WDR62: variants seen among roughly 807,000 people sequenced by gnomAD.
The protein encoded by WDR62 is WD repeat domain 62.
A neutral mutation model predicts 160.6 loss-of-function variants in WDR62; 112 were observed. That is an observed-to-expected ratio of 0.70 (90% confidence interval 0.60 to 0.82). The LOEUF is 0.82. Ranked by LOEUF, WDR62 falls within the 40% of genes least tolerant of loss-of-function variation. WDR62 has a pLI of 0.00. For synonymous variants in WDR62, 792 were observed against 815.1 expected (o/e 0.97, Z 0.48); for missense variants, 1,819 against 1,983.8 (o/e 0.92, Z 1.58).
chr19:36,102,578 CCTG>C lies in WDR62; in HGVS notation c.3221-158_3221-156del, dbSNP rs1478655390. 4.5e-6 allele frequency: 3 copies of C among 666,484 alleles called. No individual in the cohort carries two copies. The African/African-American group carries it at 5.4e-5, about 12-fold the overall frequency. 41.3% of individuals were successfully genotyped at this position (666,484 alleles called of 1,614,324 possible). A position where few individuals can be genotyped will look rare whatever the true frequency, so the allele number is the denominator to read the frequency against. ...GCCCGGCCCACTGCTTCACTCTTGA[CCTG>C]AGCCTCACGATGCCTCCTCACCCAC... On this transcript the variant is annotated intron_variant, in intron 26 of 31. Coordinates refer to ENST00000401500, the MANE Select transcript of WDR62 (RefSeq NM_001083961.2).
chr19:36,061,259 T>C (rs1970630401), intron 3 of WDR62: 1 of 152,146 alleles, frequency 6.6e-6, no homozygotes, highest in South Asian at 2.1e-4. Flanking sequence ...CAGAGCTGGG[T>C]TCCATTCCTG....
downstream of WDR62, among the ~76,000 whole-genome samples, chr19:36,106,687 C>T (rs563838465): frequency 7.0e-4 from 106 of 152,292 alleles, no homozygotes; most frequent in Middle Eastern, 0.017. Flanking sequence ...GAGCGAAGCC[C>T]GGACGGCTGG....
At chr19:36,106,610 C>G (rs1455019819), downstream of WDR62, among the ~76,000 whole-genome samples, 1 of 152,168 alleles carries the variant, frequency 6.6e-6, no homozygotes, top group Non-Finnish European at 1.5e-5. Context: ...AGGAACACAT[C>G]CAGGCCGACA....
downstream of WDR62, among the ~76,000 whole-genome samples, chr19:36,109,719 G>A (rs568605861): frequency 5.4e-5 from 8 of 146,958 alleles, no homozygotes; most frequent in East Asian, 1.6e-3. Context: ...GGGCAACAGA[G>A]TGAGAATCTG....
At chr19:36,075,636 G>A (rs988154221) in intron 9 of WDR62, among the ~76,000 whole-genome samples, 6 of 151,836 alleles carry the variant, frequency 4.0e-5, no homozygotes, top group African/African-American at 1.5e-4. Flanking sequence ...AGTAGAGATG[G>A]GGTTTAACCA....
chr19:36,081,673 T>A (rs1326382810), intron 10 of WDR62, 103 bp downstream of exon 10: 3 of 1,522,902 alleles, frequency 2.0e-6, no homozygotes, highest in Non-Finnish European at 2.7e-6. Flanking sequence ...AGATGTTAGG[T>A]TCCATGAGGG....
chr19:36,065,954 C>G lies in WDR62; in HGVS notation c.333-4C>G, dbSNP rs753533171. ...CAGTGATCAGCTCTTTTCTTTATCC[C>G]CAGGAAGTCTCTCAGTGCTCTGGCC... On this transcript the variant is annotated splice_region_variant and splice_polypyrimidine_tract_variant and intron_variant, in intron 3 of 31. Transcript: ENST00000401500. The G allele has an allele frequency of 6.2e-7, 1 of 1,614,164 alleles. No homozygotes were observed. Among genetic ancestry groups the G allele is most frequent in the East Asian group, 2.2e-5 (1 of 44,884 alleles).
chr19:36,105,516 T>C (rs1568376002), downstream of WDR62, among the ~76,000 whole-genome samples: 1 of 150,066 alleles, frequency 6.7e-6, no homozygotes, highest in Non-Finnish European at 1.5e-5. Flanking sequence ...GGTGGTGGTG[T>C]CCCCATCTGC....
chr19:36,086,624 CT>C, intron 12 of WDR62, 62 bp from the exon 13 acceptor site: 1 of 1,554,002 alleles, frequency 6.4e-7, no homozygotes, highest in Non-Finnish European at 8.7e-7. Flanking sequence ...TCACACTGCC[CT>C]TCTGGGAGGC....
At position 36,103,986 on chromosome 19, in the gene WDR62, G is replaced by GT. The variant is rs1973577166; in HGVS notation, c.4153+6dup. On this transcript the variant is annotated splice_donor_region_variant and intron_variant, in intron 30 of 31. Coordinates refer to ENST00000401500, the MANE Select transcript of WDR62 (RefSeq NM_001083961.2). ...CCCTCCTGGAGCCCACCTCCGGTGA[G>GT]TACAGCCCTGGAGCAAGGACTGTCC... is the stretch of plus-strand genomic sequence containing the variant. 2 of 1,597,506 alleles carry GT rather than the reference G, an allele frequency of 1.3e-6. No homozygotes were observed.
Position 36,103,177 on chromosome 19 carries a change from G to A in WDR62, c.3484G>A (p.Glu1162Lys). ...GCAGGTCCTCGCTGCAGGGAAGGCT[G>A]AAGAGACCCTGGAGGCCTGGCGCCC... ...RTHVLAAGKA[E>K]ETLEAWRPPP... Residue 1162 changes from glutamate (E) to lysine (K), a missense_variant, in exon 29 of 32, where the codon GAA becomes AAA. Around this residue, in one of 3 missense-constraint regions of WDR62, gnomAD observed 770 missense variants for 734.2 expected, o/e 1.05. Coordinates refer to ENST00000401500, the MANE Select transcript of WDR62 (RefSeq NM_001083961.2). 2 of 1,614,042 alleles carry A rather than the reference G, an allele frequency of 1.2e-6. No individual in the cohort carries two copies. Among genetic ancestry groups the A allele is most frequent in the Non-Finnish European group, 1.7e-6 (2 of 1,180,012 alleles).
intron 3 of WDR62, among the ~76,000 whole-genome samples, chr19:36,063,324 G>T (rs190957500): frequency 1.3e-5 from 2 of 151,626 alleles, no homozygotes; most frequent in Admixed American, 6.6e-5. Context: ...ATCTTGGCTC[G>T]CTGCAGCCTC....
intron 21 of WDR62, among the ~76,000 whole-genome samples, chr19:36,097,342 CAATATCCCCATTA>C (rs1973034771): frequency 6.6e-6 from 1 of 152,216 alleles, no homozygotes; most frequent in South Asian, 2.1e-4. Context: ...GGGCGAGGAA[CAATATCCCCATTA>C]AATAAGTAAA....
chr19:36,093,434 G>C (rs1390300355), intron 19 of WDR62, among the ~76,000 whole-genome samples: 1 of 152,210 alleles, frequency 6.6e-6, no homozygotes, highest in Admixed American at 6.5e-5. Flanking sequence ...TTTTTGATTT[G>C]AGGTTTTGGT....
rs1371821296 is a variant in WDR62 at position 36,097,052 on chromosome 19, C to T, written c.2493C>T (p.Gly831=). ...DPDPRCLLTN[G]KLPLWAKRLL... The stretch of plus-strand genomic sequence containing the variant: ...ATCCTCGTTGCCTGCTAACCAACGG[C>T]AAGCTGCCACTGTGGGCAAAGCGGC... Residue 831 remains glycine (G), a synonymous_variant, in exon 21 of 32, where the codon GGC becomes GGT. Coordinates refer to ENST00000401500, the MANE Select transcript of WDR62 (RefSeq NM_001083961.2). 6.2e-7 allele frequency: 1 copy of T among 1,613,642 alleles called. No homozygotes were observed. Among genetic ancestry groups the T allele is most frequent in the Non-Finnish European group, 8.5e-7 (1 of 1,179,830 alleles).
In WDR62 at chr19:36,065,885, CAG is replaced by C. The variant is rs1241738229; in HGVS notation, c.333-70_333-69del. 9.6e-6 allele frequency: 14 copies of C among 1,458,480 alleles called. No homozygotes were observed. The African/African-American group carries it at 2.0e-4, about 20-fold the overall frequency. 90.3% of individuals were successfully genotyped at this position (1,458,480 alleles called of 1,614,324 possible). The stretch of plus-strand genomic sequence containing the variant: ...GAGGCAGAAGAGGGCAGAGTCCTAT[CAG>C]AGTCGCCAGGATGGGGTCTGGCTGG... On this transcript the variant is annotated intron_variant, in intron 3 of 31. Transcript: ENST00000401500.
chr19:36,072,750 C>T (rs1017352816), intron 8 of WDR62, among the ~76,000 whole-genome samples: 5 of 152,166 alleles, frequency 3.3e-5, no homozygotes, highest in Non-Finnish European at 5.9e-5. Context: ...GCTCACAGCT[C>T]TGCTGTCTTC....
rs1234367345 is a variant in WDR62, at chr19:36,094,042, A to C, written c.2345A>C (p.Tyr782Ser). The C allele has an allele frequency of 5.0e-6, 8 of 1,613,816 alleles. No individual in the cohort carries two copies. The Admixed American group carries it at 8.3e-5, about 17-fold the overall frequency. ...KRSGHPRQDT[Y>S]VSTPSEIHSL... is the part of the protein sequence containing the mutation. ...ATTCCTGGCTTTAGGCAGGATACGT[A>C]TGTGTCCACACCTAGTGAGATTCAC... The change falls in exon 20 of 32, where the codon TAT becomes TCT. Residue 782 changes from tyrosine (Y) to serine (S), a missense_variant. Around this residue, in one of 3 missense-constraint regions of WDR62, gnomAD observed 934 missense variants for 1,157.2 expected, o/e 0.81. Transcript: ENST00000401500.
rs796864896 is a variant in WDR62, at chr19:36,101,722, T to G, written c.3030T>G (p.Ala1010=). 3.2e-6 allele frequency: 5 copies of G among 1,551,498 alleles called. No individual in the cohort carries two copies. In the African/African-American group the frequency reaches 6.8e-5, roughly 21 times the overall value. The change falls in exon 25 of 32, where the codon GCT becomes GCG. Residue 1010 remains alanine, a synonymous_variant. Transcript: ENST00000401500. Reference sequence around the variant, plus strand: ...GCTTCGCAGCCATCCACTCCCCAGCTCCGCCTCCTGACCCTGCCCCTCGGT... The same window carrying G: ...GCTTCGCAGCCATCCACTCCCCAGCGCCGCCTCCTGACCCTGCCCCTCGGT... The part of the protein sequence containing the change: ...ECSFAAIHSP[A]PPPDPAPRFA...
Sources: gnomAD v4.1 joint callset for allele counts (sites outside exome capture counted in the v4.1 genomes callset) on GRCh38, gnomAD v4.1.1 for gene constraint, gnomAD v4.1.1 regional missense constraint, MANE v1.5 for transcripts, NCBI Gene and HGNC (gene_info 2026-07-23, HGNC 2026-07-21) for gene names.